Variants in WDPCP observed in about 807,000 individuals in gnomAD.
WDPCP encodes the protein WD repeat containing planar cell polarity effector, also known as WD repeat-containing and planar cell polarity effector protein fritz homolog.
Under a neutral mutation model 93.1 loss-of-function variants are expected in WDPCP, and 71 were observed. The ratio of observed to expected loss-of-function variants is 0.76; its 90% CI spans 0.63 to 0.93. The LOEUF is 0.93. Ranked by LOEUF, WDPCP falls within the 40% of genes least tolerant of loss-of-function variation. WDPCP has a pLI of 0.00. For missense variants in WDPCP, 844 were observed against 887.4 expected (o/e 0.95, Z 0.62); for synonymous variants, 315 against 315.0 (o/e 1.00, Z 0.00).
chr2:63,821,952 A>G (rs181727580), intron 1 of WDPCP, among the ~76,000 whole-genome samples: 1,865 of 152,174 alleles, frequency 0.012, 22 homozygotes, highest in Non-Finnish European at 0.015. Context: ...AATATGAACC[A>G]CCTCTGTGTG....
intron 2 of WDPCP, chr2:63,717,842 C>T: frequency 4.3e-6 from 1 of 231,954 alleles, no homozygotes. Flanking sequence ...CCCGAGGCCT[C>T]CCTCTAGAGA....
chr2:63,499,897 C>G (rs1405517047), intron 1 of WDPCP, among the ~76,000 whole-genome samples: 2 of 152,206 alleles, frequency 1.3e-5, no homozygotes, highest in Non-Finnish European at 2.9e-5. Flanking sequence ...TGAACCCACA[C>G]ACATCAATGT....
At chr2:63,295,695 C>T (rs1385520666) in intron 13 of WDPCP, among the ~76,000 whole-genome samples, 2 of 151,726 alleles carry the variant, frequency 1.3e-5, no homozygotes, top group East Asian at 3.9e-4. Context: ...ATACGTCCTC[C>T]CAAGATTGAG....
At chr2:63,466,952 A>G (rs768977427) in intron 6 of WDPCP, among the ~76,000 whole-genome samples, 1 of 152,248 alleles carries the variant, frequency 6.6e-6, no homozygotes, top group Admixed American at 6.5e-5. Flanking sequence ...AAGCAAAGAA[A>G]TAACCATTTA....
intron 13 of WDPCP, among the ~76,000 whole-genome samples, chr2:63,311,040 C>T (rs1686146691): frequency 6.6e-6 from 1 of 152,090 alleles, no homozygotes; most frequent in African/African-American, 2.4e-5. Context: ...GAATGTAAGC[C>T]CCTTTAGTCT....
intron 2 of WDPCP, among the ~76,000 whole-genome samples, chr2:63,776,939 A>G (rs35987788): frequency 0.021 from 3,152 of 152,282 alleles, 47 homozygotes; most frequent in Non-Finnish European, 0.031. Context: ...GAATGGGAAG[A>G]GGTTGGTCAA....
chr2:63,722,670 G>GC (rs1280705214), intron 2 of WDPCP, among the ~76,000 whole-genome samples: 4 of 128,352 alleles, frequency 3.1e-5, no homozygotes, highest in Non-Finnish European at 6.6e-5. Context: ...GGGGGGGTCA[G>GC]CCCCCCGCCC....
intron 1 of WDPCP, among the ~76,000 whole-genome samples, chr2:63,569,651 T>C (rs1707331946): frequency 2.0e-5 from 3 of 152,140 alleles, no homozygotes; most frequent in Non-Finnish European, 4.4e-5. Flanking sequence ...TCACAAACAT[T>C]TGCTAACTCA....
intron 14 of WDPCP, among the ~76,000 whole-genome samples, chr2:63,222,694 A>G (rs1262817692): frequency 6.6e-6 from 1 of 152,210 alleles, no homozygotes; most frequent in Non-Finnish European, 1.5e-5. Context: ...TATCAGCTGC[A>G]TTTGTAGCTG....
intron 1 of WDPCP, among the ~76,000 whole-genome samples, chr2:63,519,724 GA>G (rs888037430): frequency 2.5e-4 from 37 of 146,184 alleles, no homozygotes; most frequent in African/African-American, 7.0e-4. Context: ...GAGGATAAAA[GA>G]AAAAAAAAAT....
chr2:63,807,904 T>C (rs1670792485), intron 2 of WDPCP, among the ~76,000 whole-genome samples: 2 of 152,224 alleles, frequency 1.3e-5, no homozygotes, highest in South Asian at 2.1e-4. Context: ...AGTGACATTA[T>C]ACTAGGTTGC....
intron 3 of WDPCP, among the ~76,000 whole-genome samples, chr2:63,638,143 G>A (rs371049081): frequency 6.6e-6 from 1 of 152,172 alleles, no homozygotes; most frequent in African/African-American, 2.4e-5. Flanking sequence ...CCATGGACTG[G>A]AGCTGTGGGA....
intron 1 of WDPCP, among the ~76,000 whole-genome samples, chr2:63,587,157 T>C (rs919829149): frequency 8.5e-5 from 13 of 152,362 alleles, no homozygotes; most frequent in East Asian, 1.9e-4. Flanking sequence ...AATGCACACC[T>C]ACTAATTCAG....
In WDPCP at chr2:63,405,532, AGTGTGTGTGTGT is replaced by A. The variant is rs55807956; in HGVS notation, c.826-887_826-876del. The stretch of plus-strand genomic sequence containing the variant: ...GCTAAGTATATGCAGATTTTGGTAT[AGTGTGTGTGTGT>A]GTGTGTGTGTGTGTGTGTGTGTGTG... On this transcript the variant is annotated intron_variant, in intron 9 of 17. Transcript: ENST00000272321. Among the ~76,000 whole-genome samples, 1,172 of 124,994 alleles carry A rather than the reference AGTGTGTGTGTGT, an allele frequency of 9.4e-3. 5 individuals are homozygous for A. The highest frequency in any genetic ancestry group is 0.011 in the Non-Finnish European group (690 of 60,144). The allele number at this position is 124,994 out of a possible 152,430, so 82.0% of individuals were successfully genotyped here. A position where few individuals can be genotyped will look rare whatever the true frequency, so the allele number is the denominator to read the frequency against.
intron 2 of WDPCP, among the ~76,000 whole-genome samples, chr2:63,678,833 AG>A (rs1266987604): frequency 2.0e-5 from 3 of 152,206 alleles, no homozygotes; most frequent in African/African-American, 7.2e-5. Flanking sequence ...TGCCTGATGT[AG>A]AGCATGCACA....
At chr2:63,430,026 A>ACCG (rs1208436038) in intron 9 of WDPCP, among the ~76,000 whole-genome samples, 1 of 138,772 alleles carries the variant, frequency 7.2e-6, no homozygotes, top group African/African-American at 2.6e-5. Context: ...CACACACACC[A>ACCG]TGAAATACTA....
intron 15 of WDPCP, among the ~76,000 whole-genome samples, chr2:63,171,207 G>A (rs1673365544): frequency 6.6e-6 from 1 of 151,990 alleles, no homozygotes; most frequent in Admixed American, 6.6e-5. Flanking sequence ...TGCTATCCTT[G>A]GCTTCACCAA....
At chr2:63,250,097 C>G (rs1462360561) in intron 14 of WDPCP, among the ~76,000 whole-genome samples, 1 of 152,174 alleles carries the variant, frequency 6.6e-6, no homozygotes, top group African/African-American at 2.4e-5. Flanking sequence ...TAAGATGCAT[C>G]TCTTTGTTAT....
At chr2:63,281,733 T>G (rs1205228173) in intron 13 of WDPCP, among the ~76,000 whole-genome samples, 1 of 152,166 alleles carries the variant, frequency 6.6e-6, no homozygotes, top group African/African-American at 2.4e-5. Flanking sequence ...AATGGAAAAC[T>G]AAACATCGTA....
Sources: allele counts gnomAD v4.1 joint callset (sites outside exome capture counted in the v4.1 genomes callset), GRCh38; gene constraint gnomAD v4.1.1; transcripts MANE v1.5; gene names NCBI Gene and HGNC (gene_info 2026-07-23, HGNC 2026-07-21).